Variants in ANKRD30A observed in about 807,000 individuals in gnomAD.
ANKRD30A encodes the protein ankyrin repeat domain-containing protein 30A.
Under a neutral mutation model 166.3 loss-of-function variants are expected in ANKRD30A, and 170 were observed. That is an observed-to-expected ratio of 1.02 (90% CI 0.90 to 1.16). The LOEUF is 1.16. Among genes scored for constraint, ANKRD30A ranks in the 50% most tolerant of loss-of-function variants. The probability of loss-of-function intolerance (pLI) is 0.00; values close to 1 mark genes in which losing one functional copy is unlikely to be tolerated. For missense variants in ANKRD30A, 1,630 were observed against 1,518.0 expected, an observed-to-expected ratio of 1.07 and a Z score of -1.23; for synonymous variants, 564 against 508.9, an observed-to-expected ratio of 1.11 and a Z score of -1.46.
At chr10:37,167,031 T>A (rs548328802) in intron 19 of ANKRD30A, among the ~76,000 whole-genome samples, 3 of 152,174 alleles carry the variant, frequency 2.0e-5, no homozygotes, top group South Asian at 4.2e-4. Context: ...GAAGCAGGTT[T>A]ATGTAATGGA....
intron 34 of ANKRD30A, among the ~76,000 whole-genome samples, chr10:37,229,973 T>C (rs1021936509): frequency 6.6e-6 from 1 of 151,960 alleles, no homozygotes; most frequent in Non-Finnish European, 1.5e-5. Flanking sequence ...TTTAGTTATT[T>C]TTAAATGTAC....
chr10:37,160,819 G>A (rs1347042965), intron 15 of ANKRD30A, among the ~76,000 whole-genome samples: 4 of 152,234 alleles, frequency 2.6e-5, no homozygotes, highest in East Asian at 1.9e-4. Flanking sequence ...GGCTTCACAT[G>A]CTAGTTCAGA....
At chr10:37,126,174 G>A (rs892714104) in intron 1 of ANKRD30A, among the ~76,000 whole-genome samples, 166 bp downstream of exon 1, 1 of 152,154 alleles carries the variant, frequency 6.6e-6, no homozygotes, top group African/African-American at 2.4e-5. Context: ...CCTTCTTCCT[G>A]GGCAGGCCCC....
chr10:37,207,586 T>C (rs1842065793), intron 31 of ANKRD30A, among the ~76,000 whole-genome samples: 1 of 151,954 alleles, frequency 6.6e-6, no homozygotes, highest in Non-Finnish European at 1.5e-5. Context: ...ACCTAGACTT[T>C]TTTTTTTAAC....
rs1588883303 is a variant in ANKRD30A, at chr10:37,190,639, T to C, written c.2512+1082T>C. Among the ~76,000 whole-genome samples, 2 of 151,650 alleles carry C rather than the reference T, an allele frequency of 1.3e-5. 1 individual carries two copies. Among genetic ancestry groups the C allele is most frequent in the Admixed American group, 1.3e-4 (2 of 15,216 alleles). Reference sequence around the variant, plus strand: ...GACAAGAGAGAATCCAGCTAGATGATTTTGGATTTTCTATGAAGGAAAATG... The same window carrying C: ...GACAAGAGAGAATCCAGCTAGATGACTTTGGATTTTCTATGAAGGAAAATG... On this transcript the variant is annotated intron_variant, in intron 25 of 35. Transcript: ENST00000361713.
chr10:37,161,521 G>C (rs1048655740), intron 15 of ANKRD30A, among the ~76,000 whole-genome samples: 1 of 152,042 alleles, frequency 6.6e-6, no homozygotes, highest in African/African-American at 2.4e-5. Flanking sequence ...GGACAAACAA[G>C]AAAGAATGTA....
chr10:37,133,909 A>G lies in ANKRD30A; in HGVS notation c.618-7A>G, dbSNP rs1317727296. ...ATAATAATGAAGTTATCTCTTTGTT[A>G]TTTTAGCACAGCCCTCATGCTTGCT... On this transcript the variant is annotated splice_polypyrimidine_tract_variant and splice_region_variant and intron_variant, in intron 4 of 35. Coordinates refer to ENST00000361713, the MANE Select transcript of ANKRD30A (RefSeq NM_052997.3). 4 of 1,613,156 alleles carry G rather than the reference A, an allele frequency of 2.5e-6. No individual in the cohort carries two copies. Among genetic ancestry groups the G allele is most frequent in the African/African-American group, 1.3e-5 (1 of 74,898 alleles).
At chr10:37,154,780 G>T (rs1273948345) in intron 13 of ANKRD30A, among the ~76,000 whole-genome samples, 1 of 152,016 alleles carries the variant, frequency 6.6e-6, no homozygotes, top group African/African-American at 2.4e-5. Flanking sequence ...CACTTCAGAA[G>T]CATTTAGAAA....
intron 30 of ANKRD30A, among the ~76,000 whole-genome samples, chr10:37,200,548 A>G (rs1470103550): frequency 3.3e-5 from 5 of 152,096 alleles, no homozygotes; most frequent in Non-Finnish European, 1.5e-5. Flanking sequence ...GGAAGTCAAT[A>G]GACAGGTAGA....
At chr10:37,254,697 T>C in the ANKRD30A span, among the ~76,000 whole-genome samples, 1 of 146,962 alleles carries the variant, frequency 6.8e-6, no homozygotes, top group African/African-American at 2.5e-5. Flanking sequence ...TTTTTTTTTT[T>C]TTTTGAGATG....
chr10:37,248,244 A>G, the ANKRD30A span: 1 of 604,396 alleles, frequency 1.7e-6, no homozygotes, highest in Non-Finnish European at 3.3e-6. Flanking sequence ...CACAAGGGTA[A>G]ATAAGGTTGA....
chr10:37,221,849 T>G (rs1376694336), intron 34 of ANKRD30A, among the ~76,000 whole-genome samples: 1 of 151,356 alleles, frequency 6.6e-6, no homozygotes, highest in Non-Finnish European at 1.5e-5. Flanking sequence ...GAAAATTATC[T>G]TATTTCTTAG....
intron 31 of ANKRD30A, among the ~76,000 whole-genome samples, chr10:37,208,953 G>C (rs188624704): frequency 6.6e-6 from 1 of 152,182 alleles, no homozygotes; most frequent in Admixed American, 6.6e-5. Flanking sequence ...TTGTTTTCTG[G>C]ATAATGTCAT....
chr10:37,140,292 A>T (rs1837011278), intron 6 of ANKRD30A, among the ~76,000 whole-genome samples: 2 of 152,222 alleles, frequency 1.3e-5, no homozygotes, highest in South Asian at 4.1e-4. Flanking sequence ...TGTGTGACAT[A>T]GTGACTCGTG....
In ANKRD30A at chr10:37,216,375, C is replaced by T. The variant is rs545856040; in HGVS notation, c.3064C>T (p.Gln1022Ter). Reference sequence around the variant, plus strand: ...AGAGAACCAAAAAGTTAAATGGGAACAAGAGCTCTGCAGTGTGAGGTGTGA... The same window carrying T: ...AGAGAACCAAAAAGTTAAATGGGAATAAGAGCTCTGCAGTGTGAGGTGTGA... ...QLENQKVKWE[Q>*]ELCSVRLTLN... is the part of the protein sequence containing the mutation. Residue 1022 changes from glutamine to a stop codon, truncating the protein, a stop_gained, in exon 32 of 36, where the codon CAA (glutamine) becomes TAA (stop). Transcript: ENST00000361713. LOFTEE classifies it high-confidence loss of function. 1.9e-6 allele frequency: 3 copies of T among 1,605,288 alleles called. No individual in the cohort carries two copies. In the Admixed American group the frequency reaches 5.1e-5, roughly 27 times the overall value.
intron 11 of ANKRD30A, 151 bp from the exon 12 acceptor site, chr10:37,151,909 T>G (rs1427168327): frequency 1.7e-6 from 1 of 604,076 alleles, no homozygotes; most frequent in African/African-American, 1.9e-5. Flanking sequence ...ATGGAATGAC[T>G]ATAGAAGTAG....
At chr10:37,197,660 T>G (rs190514091) in intron 29 of ANKRD30A, among the ~76,000 whole-genome samples, 180 bp downstream of exon 29, 1 of 151,662 alleles carries the variant, frequency 6.6e-6, no homozygotes, top group South Asian at 2.1e-4. Flanking sequence ...TTTTCAATAT[T>G]TTTTTTAAAA....
the ANKRD30A span, among the ~76,000 whole-genome samples, chr10:37,253,461 G>C: frequency 1.3e-5 from 2 of 152,002 alleles, no homozygotes; most frequent in African/African-American, 2.4e-5. Flanking sequence ...TATCACCTCT[G>C]AAAGAAACCC....
chr10:37,125,772 G>A lies in ANKRD30A; in HGVS notation c.-16G>A, dbSNP rs1835959729. On this transcript the variant is annotated 5_prime_UTR_variant, in exon 1 of 36. Transcript: ENST00000361713. ...GATCGGGAGGCGCGGGCACTCTCTA[G>A]CAGGTGGCCGCAGCCATGGAGGAGA... 1.3e-5 allele frequency: 8 copies of A among 626,622 alleles called. No homozygotes were observed. The South Asian group carries it at 1.5e-4, about 12-fold the overall frequency. 38.8% of individuals were successfully genotyped at this position (626,622 alleles called of 1,614,324 possible).
Sources: gnomAD v4.1 joint callset for allele counts (sites outside exome capture counted in the v4.1 genomes callset) on GRCh38, gnomAD v4.1.1 for gene constraint, MANE v1.5 for transcripts, NCBI Gene and HGNC (gene_info 2026-07-23, HGNC 2026-07-21) for gene names.